Variants in TAS1R1 observed in about 807,000 individuals in gnomAD.
TAS1R1 encodes the protein taste receptor type 1 member 1.
In TAS1R1, 31 loss-of-function variants were observed where a neutral mutation model predicts 45.8. The observed-to-expected ratio is 0.68, with a 90% confidence interval of 0.51 to 0.91. The LOEUF (loss-of-function observed/expected upper bound fraction) is 0.91, where lower values mean the gene tolerates loss of function less well. TAS1R1 is among the 40% of genes least tolerant of loss of function. The pLI is 0.00. For missense variants in TAS1R1, 1,051 were observed against 1,063.9 expected, an observed-to-expected ratio of 0.99 and a Z score of 0.17; for synonymous variants, 437 against 448.4, an observed-to-expected ratio of 0.97 and a Z score of 0.32.
chr1:6,558,042 G>GTT (rs71492343), intron 1 of TAS1R1, among the ~76,000 whole-genome samples: 1 of 147,604 alleles, frequency 6.8e-6, no homozygotes, highest in African/African-American at 2.6e-5. Flanking sequence ...GTTAGTTTTT[G>GTT]TTTTTGTTTT....
At position 6,574,516 on chromosome 1, in the gene TAS1R1, C is replaced by A. The variant is rs116346679; in HGVS notation, c.499-115C>A. 2,754 of 1,306,760 alleles carry A rather than the reference C, an allele frequency of 2.1e-3. 49 individuals are homozygous for A. The highest frequency in any genetic ancestry group is 0.02 in the African/African-American group (1,345 of 67,580). The allele number at this position is 1,306,760 out of a possible 1,614,324, so 80.9% of individuals were successfully genotyped here. On this transcript the variant is annotated intron_variant, in intron 2 of 5. Transcript: ENST00000333172. The surrounding 1 kb of genome is among the most constrained non-coding windows in gnomAD (Gnocchi z 4.3). ...GCAGGTGATTTGTCAGTTTCACAGG[C>A]TGAGGGGTGCTCTCCTGGTCTCCCC...
At chr1:6,571,924 CAGAGG>C (rs1640028065) in intron 2 of TAS1R1, among the ~76,000 whole-genome samples, 3 of 152,172 alleles carry the variant, frequency 2.0e-5, no homozygotes, top group African/African-American at 7.2e-5. Flanking sequence ...CCTCCTGGCT[CAGAGG>C]TGCTGACATG....
intron 5 of TAS1R1, 129 bp downstream of exon 5, chr1:6,577,199 T>G: frequency 7.1e-7 from 1 of 1,401,382 alleles, no homozygotes; most frequent in African/African-American, 1.4e-5. Flanking sequence ...GCCAGTTAGC[T>G]TCAGGTTGGA....
Position 6,574,613 on chromosome 1 carries a change from G to T in TAS1R1, c.499-18G>T. On this transcript the variant is annotated intron_variant, in intron 2 of 5. Transcript: ENST00000333172. This position sits in a 1 kb window ranked among gnomAD's most constrained non-coding sequence, Gnocchi z 4.3. ...GCCTTCAGTGGAGACTGAAATGGCT[G>T]AACGGGACCTCCCATAGATTAGCTA... The T allele has an allele frequency of 6.3e-7, 1 of 1,578,600 alleles. No homozygotes were observed. Among genetic ancestry groups the T allele is most frequent in the South Asian group, 1.2e-5 (1 of 83,926 alleles).
intron 1 of TAS1R1, among the ~76,000 whole-genome samples, chr1:6,567,111 A>ATGG (rs1267679371): frequency 6.6e-6 from 1 of 152,122 alleles, no homozygotes; most frequent in Non-Finnish European, 1.5e-5. Flanking sequence ...TAGAATGGGG[A>ATGG]TGGGTCAATG....
chr1:6,560,920 C>T lies in TAS1R1; in HGVS notation c.191+5356C>T, dbSNP rs147175151. 9.9e-3 allele frequency among the ~76,000 whole-genome samples: 1,345 copies of T among 136,276 alleles called. 15 individuals carry two copies. The highest frequency in any genetic ancestry group is 0.033 in the African/African-American group (1,226 of 36,758). The allele number at this position is 136,276 out of a possible 152,430, so 89.4% of individuals were successfully genotyped here. A position where few individuals can be genotyped will look rare whatever the true frequency, so the allele number is the denominator to read the frequency against. On this transcript the variant is annotated intron_variant, in intron 1 of 5. Transcript: ENST00000333172. The stretch of plus-strand genomic sequence containing the variant: ...AATGGCGTGAACCCAGGAGGCAGAG[C>T]TTGCAGTGAGCCGAGATCATGCCAC...
At position 6,575,126 on chromosome 1, in the gene TAS1R1, C is replaced by G; in HGVS notation, c.994C>G (p.Pro332Ala). 6.3e-7 allele frequency: 1 copy of G among 1,584,762 alleles called. No homozygotes were observed. The highest frequency in any genetic ancestry group is 2.2e-5 in the East Asian group (1 of 44,712). The change falls in exon 3 of 6, where the codon CCT (proline) becomes GCT (alanine). Residue 332 changes from proline to alanine, a missense_variant. Coordinates refer to ENST00000333172, the MANE Select transcript of TAS1R1 (RefSeq NM_138697.4). Reference protein sequence around the residue: ...LGVAIQKRAVPGLKAFEEAYA... With the variant: ...LGVAIQKRAVAGLKAFEEAYA... The stretch of plus-strand genomic sequence containing the variant: ...CGTGGCCATCCAGAAGAGGGCTGTC[C>G]CTGGCCTGAAGGCGTTTGAAGAAGC...
chr1:6,574,662 G>T lies in TAS1R1; in HGVS notation c.530G>T (p.Ser177Ile). 2 of 1,612,124 alleles carry T rather than the reference G, an allele frequency of 1.2e-6. No individual in the cohort carries two copies. The highest frequency in any genetic ancestry group is 1.7e-6 in the Non-Finnish European group (2 of 1,178,588). The stretch of plus-strand genomic sequence containing the variant: ...TATGCGGCCAGCAGCGAGACGCTCA[G>T]CGTGAAGCGGCAGTATCCCTCTTTC... Reference protein sequence around the residue: ...ISYAASSETLSVKRQYPSFLR... With the variant: ...ISYAASSETLIVKRQYPSFLR... The change falls in exon 3 of 6, where the codon AGC becomes ATC. Residue 177 changes from serine to isoleucine, a missense_variant. Transcript: ENST00000333172. The surrounding 1 kb of genome is among the most constrained non-coding windows in gnomAD (Gnocchi z 4.3).
intron 1 of TAS1R1, among the ~76,000 whole-genome samples, chr1:6,558,026 G>T (rs1639714628): frequency 1.3e-5 from 2 of 150,948 alleles, no homozygotes; most frequent in East Asian, 1.9e-4. Context: ...TTAAGCAGGT[G>T]TAGTGGTTAG....
At position 6,576,571 on chromosome 1, in the gene TAS1R1, C is replaced by G. The variant is rs1180177725; in HGVS notation, c.1417C>G (p.Pro473Ala). 2 of 1,614,226 alleles carry G rather than the reference C, an allele frequency of 1.2e-6. No homozygotes were observed. The highest frequency in any genetic ancestry group is 2.2e-5 in the East Asian group (1 of 44,892). The change falls in exon 4 of 6, where the codon CCA becomes GCA. Residue 473 changes from proline to alanine, a missense_variant. Transcript: ENST00000333172. Reference sequence around the variant, plus strand: ...GGTCCTCGGTTCCTCCACATGGTCTCCAGTTCAGCTAAACATAAATGAGAC... The same window carrying G: ...GGTCCTCGGTTCCTCCACATGGTCTGCAGTTCAGCTAAACATAAATGAGAC... Reference protein sequence around the residue: ...FTVLGSSTWSPVQLNINETKI... With the variant: ...FTVLGSSTWSAVQLNINETKI...
Position 6,555,364 on chromosome 1 carries a change from T to C in TAS1R1, c.-10T>C. On this transcript the variant is annotated 5_prime_UTR_variant, in exon 1 of 6. Transcript: ENST00000333172. Reference sequence around the variant, plus strand: ...TCCTTGGCCATGCCAGGCGCGGGCATCTGGCCAGCATGCTGCTCTGCACGG... The same window carrying C: ...TCCTTGGCCATGCCAGGCGCGGGCACCTGGCCAGCATGCTGCTCTGCACGG... The C allele has an allele frequency of 1.4e-5, 22 of 1,572,892 alleles. No homozygotes were observed. Among genetic ancestry groups the C allele is most frequent in the Non-Finnish European group, 1.9e-5 (22 of 1,156,034 alleles).
intron 1 of TAS1R1, among the ~76,000 whole-genome samples, chr1:6,567,960 G>C (rs922441074): frequency 3.3e-5 from 5 of 152,068 alleles, no homozygotes; most frequent in African/African-American, 1.2e-4. Flanking sequence ...CTAGATTGAC[G>C]GATAGCCACA....
chr1:6,569,395 A>G (rs1193793939), intron 1 of TAS1R1, among the ~76,000 whole-genome samples: 2 of 152,188 alleles, frequency 1.3e-5, no homozygotes, highest in African/African-American at 4.8e-5. Flanking sequence ...TTGCAGTGGC[A>G]AAAGTTGTCT....
chr1:6,558,080 T>A (rs1316243683), intron 1 of TAS1R1, among the ~76,000 whole-genome samples: 1 of 150,186 alleles, frequency 6.7e-6, no homozygotes, highest in African/African-American at 2.5e-5. Context: ...AGGGTCTTCC[T>A]CTTTTGCTCA....
At chr1:6,561,066 C>T (rs1639779554) in intron 1 of TAS1R1, among the ~76,000 whole-genome samples, 1 of 151,066 alleles carries the variant, frequency 6.6e-6, no homozygotes, top group African/African-American at 2.4e-5. Flanking sequence ...GAAGTAGCAT[C>T]ATGTCTTGTA....
At chr1:6,569,016 G>A (rs994051968) in intron 1 of TAS1R1, among the ~76,000 whole-genome samples, 4 of 152,174 alleles carry the variant, frequency 2.6e-5, no homozygotes, top group Admixed American at 6.5e-5. Flanking sequence ...CTCCCGGAGC[G>A]GAAGTGAGGA....
chr1:6,579,695 G>A lies in TAS1R1; in HGVS notation c.*111G>A, dbSNP rs778170933. On this transcript the variant is annotated 3_prime_UTR_variant, in exon 6 of 6. Coordinates refer to ENST00000333172, the MANE Select transcript of TAS1R1 (RefSeq NM_138697.4). ...GGGCATCGCGGTCTGGGGTTGGGAC[G>A]TGTAAGCGCCTGGGAGAGCCTAGAC... 2.9e-5 allele frequency: 42 copies of A among 1,428,858 alleles called. No homozygotes were observed. Among genetic ancestry groups the A allele is most frequent in the Non-Finnish European group, 3.7e-5 (40 of 1,082,984 alleles). 88.5% of individuals were successfully genotyped at this position (1,428,858 alleles called of 1,614,324 possible).
At position 6,575,069 on chromosome 1, in the gene TAS1R1, C is replaced by A; in HGVS notation, c.937C>A (p.Pro313Thr). 1 of 1,588,798 alleles carries A rather than the reference C, an allele frequency of 6.3e-7. No homozygotes were observed. Among genetic ancestry groups the A allele is most frequent in the Non-Finnish European group, 8.6e-7 (1 of 1,166,578 alleles). ...WALSRHITGV[P>T]GIQRIGMVLG... ...CCTCTCCAGGCACATCACTGGGGTG[C>A]CCGGGATCCAGCGCATTGGGATGGT... The change falls in exon 3 of 6, where the codon CCC becomes ACC. Residue 313 changes from proline to threonine, a missense_variant. Pro to Thr is a conservative substitution (Grantham distance 38). Transcript: ENST00000333172.
intron 1 of TAS1R1, among the ~76,000 whole-genome samples, chr1:6,567,227 C>A (rs1241676883): frequency 6.6e-6 from 1 of 152,138 alleles, no homozygotes; most frequent in Non-Finnish European, 1.5e-5. Context: ...ACAACTGAGA[C>A]TGAGGCAAGG....
Sources: allele counts gnomAD v4.1 joint callset (sites outside exome capture counted in the v4.1 genomes callset), GRCh38; gene constraint gnomAD v4.1.1; non-coding constraint Gnocchi (gnomAD v3.1); transcripts MANE v1.5; gene names NCBI Gene and HGNC (gene_info 2026-07-23, HGNC 2026-07-21).